The following DMGDH variants were observed in gnomAD, a reference collection of about 807,000 sequenced individuals.
DMGDH encodes the protein dimethylglycine dehydrogenase, mitochondrial.
In DMGDH, 76 loss-of-function variants were observed where a neutral mutation model predicts 95.2. That is an observed-to-expected ratio of 0.80 (90% CI 0.66 to 0.97). The LOEUF is 0.97. Ranked by LOEUF, DMGDH falls within the 50% of genes least tolerant of loss-of-function variation. DMGDH has a pLI of 0.00. For missense variants in DMGDH, 987 were observed against 1,055.0 expected (o/e 0.94, Z 0.89); for synonymous variants, 345 against 377.6 (o/e 0.91, Z 1.00).
chr5:79,039,010 A>G (rs1312827098), intron 7 of DMGDH, among the ~76,000 whole-genome samples: 1 of 151,346 alleles, frequency 6.6e-6, no homozygotes, highest in African/African-American at 2.4e-5. Flanking sequence ...ACAATGAGAT[A>G]CCATCTCACA....
intron 13 of DMGDH, 48 bp downstream of exon 13, chr5:79,026,376 T>C (rs776430035): frequency 4.3e-6 from 7 of 1,611,928 alleles, no homozygotes; most frequent in Non-Finnish European, 5.9e-6. Context: ...TATATAAAAA[T>C]GAGATAAATA....
intron 14 of DMGDH, among the ~76,000 whole-genome samples, chr5:79,019,612 C>T (rs374150918): frequency 2.6e-5 from 4 of 152,088 alleles, no homozygotes; most frequent in East Asian, 1.9e-4. Flanking sequence ...GGGCCAAGTG[C>T]GGTGACTCAT....
At chr5:79,001,262 A>G in intron 15 of DMGDH, 2 of 273,448 alleles carry the variant, frequency 7.3e-6, no homozygotes, top group Non-Finnish European at 1.4e-5. Context: ...TTCCAGGTTC[A>G]AGCTATTCTC....
chr5:79,040,366 A>C (rs990376457), intron 7 of DMGDH, among the ~76,000 whole-genome samples: 2 of 152,256 alleles, frequency 1.3e-5, no homozygotes, highest in African/African-American at 4.8e-5. Context: ...AGGACAGAAT[A>C]GTCTTTTCAA....
chr5:79,041,055 G>GAC (rs2112643135), intron 7 of DMGDH, among the ~76,000 whole-genome samples: 1 of 152,266 alleles, frequency 6.6e-6, no homozygotes, highest in Non-Finnish European at 1.5e-5. Flanking sequence ...CCAACATATA[G>GAC]ACGGTGGTCA....
intron 1 of DMGDH, among the ~76,000 whole-genome samples, chr5:79,066,294 A>AC (rs1561233909): frequency 6.7e-6 from 1 of 148,340 alleles, no homozygotes. Flanking sequence ...ATTCTATTTT[A>AC]TTTTTTTTTT....
At chr5:79,021,604 AC>A in intron 14 of DMGDH, 1 of 1,310,502 alleles carries the variant, frequency 7.6e-7, no homozygotes, top group Non-Finnish European at 1.0e-6. Context: ...AACACGATTC[AC>A]CCTAATAAGG....
chr5:79,044,314 T>C lies in DMGDH; in HGVS notation c.984A>G (p.Gly328=). ...ATTTGCTGAACCCACCTGGAGGAAC[T>C]CCATTGGTGACCCAGGAGTCCTGAA... The part of the protein sequence containing the change: ...MKVQDSWVTN[G]VPPGFGKELF... Residue 328 remains glycine, a synonymous_variant, in exon 6 of 16, where the codon GGA becomes GGG. Coordinates refer to ENST00000255189, the MANE Select transcript of DMGDH (RefSeq NM_013391.3). The C allele has an allele frequency of 6.2e-7, 1 of 1,614,200 alleles. No individual in the cohort carries two copies. The highest frequency in any genetic ancestry group is 8.5e-7 in the Non-Finnish European group (1 of 1,180,024).
intron 4 of DMGDH, 148 bp from the exon 5 acceptor site, chr5:79,051,639 A>C: frequency 1.4e-6 from 1 of 719,106 alleles, no homozygotes; most frequent in Non-Finnish European, 2.3e-6. Flanking sequence ...AGACTTCATG[A>C]AAAAGCCACC....
intron 2 of DMGDH, among the ~76,000 whole-genome samples, chr5:79,058,016 A>G (rs921156907): frequency 6.6e-6 from 1 of 152,214 alleles, no homozygotes; most frequent in Non-Finnish European, 1.5e-5. Flanking sequence ...TCATTTTTTC[A>G]AAAACTCTTA....
intron 2 of DMGDH, among the ~76,000 whole-genome samples, chr5:79,062,514 A>G (rs1367468074): frequency 6.6e-6 from 1 of 151,692 alleles, no homozygotes; most frequent in East Asian, 1.9e-4. Context: ...CGCTGCCCAA[A>G]AGAAAACTGC....
chr5:79,052,160 C>T (rs1390583366), intron 4 of DMGDH, among the ~76,000 whole-genome samples: 1 of 152,156 alleles, frequency 6.6e-6, no homozygotes, highest in Non-Finnish European at 1.5e-5. Context: ...GGAATACATT[C>T]TATTTGGTCA....
chr5:79,002,692 G>A (rs905772461), intron 15 of DMGDH, among the ~76,000 whole-genome samples: 1 of 152,046 alleles, frequency 6.6e-6, no homozygotes, highest in African/African-American at 2.4e-5. Context: ...ATGCTTGCAA[G>A]AATAAAATAC....
intron 14 of DMGDH, among the ~76,000 whole-genome samples, chr5:79,018,178 G>T (rs1753776060): frequency 6.6e-6 from 1 of 152,112 alleles, no homozygotes; most frequent in African/African-American, 2.4e-5. Flanking sequence ...CTCTCAAGTA[G>T]CTAGGACTAC....
chr5:79,051,436 G>A lies in DMGDH; in HGVS notation c.596C>T (p.Thr199Ile), dbSNP rs1362793722. 2 of 1,614,128 alleles carry A rather than the reference G, an allele frequency of 1.2e-6. No homozygotes were observed. Among genetic ancestry groups the A allele is most frequent in the South Asian group, 1.1e-5 (1 of 91,080 alleles). ...GDGHIDPYSL[T>I]MALAAGARKC... ...CCTAGCCCCAGCAGCCAGTGCCATAGTTAGAGAATAAGGATCAATGTGACC... is the reference window on the plus strand; with the variant it reads ...CCTAGCCCCAGCAGCCAGTGCCATAATTAGAGAATAAGGATCAATGTGACC... The change falls in exon 5 of 16, where the codon ACT becomes ATT. Residue 199 changes from threonine to isoleucine, a missense_variant. Physicochemically the swap from Thr to Ile is moderately conservative, Grantham distance 89. Transcript: ENST00000255189.
intron 10 of DMGDH, 131 bp from the exon 11 acceptor site, chr5:79,030,165 A>G: frequency 1.3e-6 from 1 of 770,998 alleles, no homozygotes. Flanking sequence ...TGTCAATCGT[A>G]TGAATTATCT....
chr5:79,016,128 C>G (rs1159541778), intron 14 of DMGDH, among the ~76,000 whole-genome samples: 1 of 151,802 alleles, frequency 6.6e-6, no homozygotes, highest in African/African-American at 2.4e-5. Flanking sequence ...GTCCCAGCTA[C>G]TTGGGAGGCT....
At chr5:79,007,367 T>G (rs1753570877) in intron 14 of DMGDH, among the ~76,000 whole-genome samples, 1 of 152,162 alleles carries the variant, frequency 6.6e-6, no homozygotes, top group South Asian at 2.1e-4. Context: ...GGGCTGACTT[T>G]TTGTATATAT....
At chr5:79,014,262 C>T (rs1268482101) in intron 14 of DMGDH, among the ~76,000 whole-genome samples, 2 of 152,158 alleles carry the variant, frequency 1.3e-5, no homozygotes, top group Non-Finnish European at 2.9e-5. Context: ...GCCCCCATTA[C>T]ATGTCTTTAA....
Sources: allele counts gnomAD v4.1 joint callset (sites outside exome capture counted in the v4.1 genomes callset), GRCh38; gene constraint gnomAD v4.1.1; transcripts MANE v1.5; gene names NCBI Gene and HGNC (gene_info 2026-07-23, HGNC 2026-07-21).